Variants in RIGI observed in about 807,000 individuals in gnomAD.
RIGI encodes the protein antiviral innate immune response receptor RIG-I.
chr9:32,501,996 C>T, the RIGI span, among the ~76,000 whole-genome samples: 1 of 152,100 alleles, frequency 6.6e-6, no homozygotes, highest in Non-Finnish European at 1.5e-5. Flanking sequence ...AAAAAGAAAA[C>T]CTATATCCAT....
the RIGI span, among the ~76,000 whole-genome samples, chr9:32,521,139 C>CAGAAAAAAAAAAAA: frequency 6.1e-5 from 2 of 32,776 alleles, no homozygotes; most frequent in Non-Finnish European, 1.1e-4. Context: ...GACACCATCT[C>CAGAAAAAAAAAAAA]AAAAAAAAAA....
the RIGI span, among the ~76,000 whole-genome samples, chr9:32,462,164 A>C: frequency 6.6e-6 from 1 of 152,176 alleles, no homozygotes; most frequent in Non-Finnish European, 1.5e-5. Flanking sequence ...CTATAAAATG[A>C]CATAGGAGGC....
the RIGI span, among the ~76,000 whole-genome samples, chr9:32,484,749 G>A: frequency 6.6e-6 from 1 of 152,024 alleles, no homozygotes; most frequent in Admixed American, 6.6e-5. Flanking sequence ...TCAAATCCAG[G>A]CCCTTCACTG....
At chr9:32,465,441 A>C in the RIGI span, among the ~76,000 whole-genome samples, 1 of 152,230 alleles carries the variant, frequency 6.6e-6, no homozygotes, top group Non-Finnish European at 1.5e-5. Flanking sequence ...CATCTTCATG[A>C]AGTTAAACTA....
the RIGI span, among the ~76,000 whole-genome samples, chr9:32,521,580 GT>G: frequency 2.6e-5 from 4 of 151,626 alleles, no homozygotes; most frequent in South Asian, 2.1e-4. Context: ...AATTCAGGGG[GT>G]TTTTTTTAAC....
the RIGI span, among the ~76,000 whole-genome samples, chr9:32,515,791 T>C: frequency 2.0e-5 from 3 of 152,226 alleles, no homozygotes; most frequent in African/African-American, 7.2e-5. Flanking sequence ...AACGTTTTTT[T>C]AGTTCTGACA....
the RIGI span, among the ~76,000 whole-genome samples, chr9:32,515,341 C>CAG: frequency 7.0e-6 from 1 of 142,906 alleles, no homozygotes; most frequent in Non-Finnish European, 1.5e-5. Flanking sequence ...AAAAGCCACA[C>CAG]GTTTGTTTTT....
chr9:32,463,822 T>A, the RIGI span, among the ~76,000 whole-genome samples: 1 of 151,180 alleles, frequency 6.6e-6, no homozygotes, highest in African/African-American at 2.4e-5. Context: ...GAATGAACTT[T>A]CTTTCACCCC....
At chr9:32,525,955 G>A in the RIGI span, 3 of 887,136 alleles carry the variant, frequency 3.4e-6, no homozygotes, top group Non-Finnish European at 5.5e-6. Flanking sequence ...CACAAACCTG[G>A]GGAGTCTGGC....
At chr9:32,504,038 A>AACACACACACACACACACACACAC in the RIGI span, among the ~76,000 whole-genome samples, 2,705 of 135,626 alleles carry the variant, frequency 0.02, 96 homozygotes, top group African/African-American at 0.046. Flanking sequence ...CAAGACTCCA[A>AACACACACACACACACACACACAC]ACACACACAC....
chr9:32,459,597 T>C, the RIGI span: 2 of 1,303,098 alleles, frequency 1.5e-6, no homozygotes, highest in Non-Finnish European at 2.1e-6. Context: ...ACAATACATA[T>C]ACATGCACGC....
At chr9:32,487,885 G>A in the RIGI span, 3 of 1,575,312 alleles carry the variant, frequency 1.9e-6, no homozygotes, top group Non-Finnish European at 2.6e-6. Context: ...ATAAGAGTAA[G>A]AAAATAGGAG....
chr9:32,460,962 G>C, the RIGI span, among the ~76,000 whole-genome samples: 1 of 150,474 alleles, frequency 6.6e-6, no homozygotes, highest in African/African-American at 2.4e-5. Flanking sequence ...CTCCAAACAG[G>C]ATAAACCCCT....
chr9:32,479,260 A>G, the RIGI span, among the ~76,000 whole-genome samples: 1 of 152,236 alleles, frequency 6.6e-6, no homozygotes, highest in South Asian at 2.1e-4. Flanking sequence ...TGGTTTGTAT[A>G]ACTCCTCTAT....
chr9:32,476,823 T>C, the RIGI span, among the ~76,000 whole-genome samples: 1 of 152,150 alleles, frequency 6.6e-6, no homozygotes, highest in African/African-American at 2.4e-5. Flanking sequence ...GGTCTCACTA[T>C]GTTGCCCAGG....
At chr9:32,526,139 G>A in the RIGI span, 1 of 1,613,624 alleles carries the variant, frequency 6.2e-7, no homozygotes, top group Non-Finnish European at 8.5e-7. Flanking sequence ...TGGAAGGCTT[G>A]CAGGCTGCGT....
the RIGI span, among the ~76,000 whole-genome samples, chr9:32,522,303 T>C: frequency 6.6e-6 from 1 of 152,256 alleles, no homozygotes; most frequent in Non-Finnish European, 1.5e-5. Context: ...TATACCCTTT[T>C]AAACAGAATT....
the RIGI span, chr9:32,491,337 A>G: frequency 6.2e-7 from 1 of 1,613,608 alleles, no homozygotes; most frequent in Admixed American, 1.7e-5. Context: ...AGATTCTGGC[A>G]TTCTGGATCT....
the RIGI span, among the ~76,000 whole-genome samples, chr9:32,472,332 CAT>C: frequency 6.6e-6 from 1 of 152,214 alleles, no homozygotes; most frequent in Admixed American, 6.5e-5. Flanking sequence ...GTCTGCAGGA[CAT>C]ATGAGAGGAG....
Sources: allele counts gnomAD v4.1 joint callset (sites outside exome capture counted in the v4.1 genomes callset), GRCh38; gene constraint gnomAD v4.1.1; transcripts MANE v1.5; gene names NCBI Gene and HGNC (gene_info 2026-07-23, HGNC 2026-07-21).